The following YES1 variants were observed in gnomAD, a reference collection of about 807,000 sequenced individuals.
YES1 encodes tyrosine-protein kinase Yes.
In YES1, 39 loss-of-function variants were observed where a neutral mutation model predicts 70.4. The observed-to-expected ratio is 0.55, with a 90% confidence interval of 0.43 to 0.72. YES1 has a LOEUF of 0.72. YES1 is among the 30% of genes least tolerant of loss of function. The pLI, the probability that YES1 is intolerant of heterozygous loss-of-function variation, is 0.00. For synonymous variants in YES1, 198 were observed against 218.6 expected, an observed-to-expected ratio of 0.91 and a Z score of 0.83; for missense variants, 495 against 644.8, an observed-to-expected ratio of 0.77 and a Z score of 2.52.
chr18:770,254 C>A (rs1905091692), intron 1 of YES1, among the ~76,000 whole-genome samples: 1 of 145,682 alleles, frequency 6.9e-6, no homozygotes, highest in East Asian at 2.0e-4. Context: ...AGCCACTGCG[C>A]CCGGCCCTTT....
intron 1 of YES1, among the ~76,000 whole-genome samples, chr18:759,640 A>G (rs965255230): frequency 1.3e-5 from 2 of 152,210 alleles, no homozygotes; most frequent in Admixed American, 1.3e-4. Context: ...TCCCTAAACA[A>G]CATAGTACAA....
chr18:768,657 T>G (rs1458364463), intron 1 of YES1, among the ~76,000 whole-genome samples: 2 of 152,166 alleles, frequency 1.3e-5, no homozygotes, highest in African/African-American at 4.8e-5. Flanking sequence ...ATTATAATAC[T>G]GTATTTTTAC....
At chr18:784,098 T>A (rs900434940) in intron 1 of YES1, among the ~76,000 whole-genome samples, 1 of 152,198 alleles carries the variant, frequency 6.6e-6, no homozygotes, top group Non-Finnish European at 1.5e-5. Flanking sequence ...GTCATACATA[T>A]GGCCAAACTT....
chr18:733,961 AC>A (rs1221267710), intron 10 of YES1, among the ~76,000 whole-genome samples: 1 of 152,172 alleles, frequency 6.6e-6, no homozygotes, highest in Admixed American at 6.5e-5. Flanking sequence ...TTTCCTTGGC[AC>A]CATTACAAAA....
intron 1 of YES1, among the ~76,000 whole-genome samples, chr18:770,313 G>A (rs909417932): frequency 2.2e-5 from 3 of 139,532 alleles, no homozygotes; most frequent in Non-Finnish European, 1.5e-5. Context: ...GTATTATTTC[G>A]TCCTTCAATG....
chr18:802,264 A>C (rs977994446), intron 1 of YES1, among the ~76,000 whole-genome samples: 1 of 152,156 alleles, frequency 6.6e-6, no homozygotes, highest in African/African-American at 2.4e-5. Context: ...AAAAGAAAGA[A>C]AATAAAATAA....
intron 1 of YES1, among the ~76,000 whole-genome samples, chr18:809,628 A>T (rs1907271311): frequency 2.0e-5 from 3 of 152,198 alleles, no homozygotes; most frequent in African/African-American, 4.8e-5. Flanking sequence ...TTATACATAC[A>T]GCTGGTATAT....
intron 6 of YES1, 117 bp downstream of exon 6, chr18:745,591 G>T: frequency 2.1e-6 from 2 of 952,436 alleles, no homozygotes; most frequent in Non-Finnish European, 1.6e-6. Context: ...GACATTTATT[G>T]GGCATGTATT....
intron 1 of YES1, among the ~76,000 whole-genome samples, chr18:767,343 G>A (rs959886156): frequency 2.0e-5 from 3 of 152,064 alleles, no homozygotes; most frequent in African/African-American, 7.2e-5. Flanking sequence ...TAAGGACAGA[G>A]TTTCACTATG....
intron 1 of YES1, among the ~76,000 whole-genome samples, chr18:810,464 G>T (rs1172588090): frequency 6.6e-6 from 1 of 152,110 alleles, no homozygotes; most frequent in Non-Finnish European, 1.5e-5. Flanking sequence ...ACTTTCAGAT[G>T]AACAGAAAGG....
intron 1 of YES1, among the ~76,000 whole-genome samples, chr18:793,317 G>A (rs911013894): frequency 7.9e-5 from 12 of 151,950 alleles, no homozygotes; most frequent in Non-Finnish European, 1.5e-4. Flanking sequence ...GGGATTACAG[G>A]CGTGAGCCAC....
In YES1 at chr18:756,581, T is replaced by C. The variant is rs1002693165; in HGVS notation, c.247A>G (p.Ser83Gly). 1.2e-6 allele frequency: 2 copies of C among 1,614,186 alleles called. No individual in the cohort carries two copies. The highest frequency in any genetic ancestry group is 1.1e-5 in the South Asian group (1 of 91,078). ...GASSSFSVVP[S>G]SYPAGLTGGV... is the part of the protein sequence containing the mutation. ...CCTGTTAAACCAGCAGGATATGAACTTGGCACCACTGAAAATGAGGAAGAT... is the reference window on the plus strand; with the variant it reads ...CCTGTTAAACCAGCAGGATATGAACCTGGCACCACTGAAAATGAGGAAGAT... The change falls in exon 2 of 12, where the codon AGT becomes GGT. Residue 83 changes from serine (S) to glycine (G), a missense_variant. By Grantham distance (56) the Ser-to-Gly change is moderately conservative. Coordinates refer to ENST00000314574, the MANE Select transcript of YES1 (RefSeq NM_005433.4).
chr18:729,746 C>A (rs1342939096), intron 11 of YES1, among the ~76,000 whole-genome samples: 1 of 151,272 alleles, frequency 6.6e-6, no homozygotes, highest in African/African-American at 2.4e-5. Context: ...CCTGCCTCAG[C>A]CTCCCGAGTA....
In YES1 at chr18:749,568, C is replaced by T. The variant is rs111830997; in HGVS notation, c.372-1550G>A. ...TAATGCATACTTATAAAAATGTTAT[C>T]TAGAAGGCTGGGCGCGGTGGCTCAC... On this transcript the variant is annotated intron_variant, in intron 3 of 11. Coordinates refer to ENST00000314574, the MANE Select transcript of YES1 (RefSeq NM_005433.4). Among the ~76,000 whole-genome samples, 888 of 148,338 alleles carry T rather than the reference C, an allele frequency of 6.0e-3. 1 individual carries two copies. Among genetic ancestry groups the T allele is most frequent in the Non-Finnish European group, 9.3e-3 (626 of 66,962 alleles).
intron 1 of YES1, among the ~76,000 whole-genome samples, chr18:785,592 G>A (rs967548468): frequency 6.6e-6 from 1 of 152,104 alleles, no homozygotes; most frequent in Non-Finnish European, 1.5e-5. Flanking sequence ...TGCACCCAAA[G>A]TTCACGTGTT....
At chr18:780,159 G>C (rs1462479288) in intron 1 of YES1, among the ~76,000 whole-genome samples, 1 of 151,978 alleles carries the variant, frequency 6.6e-6, no homozygotes, top group African/African-American at 2.4e-5. Flanking sequence ...AGGGAGGTGG[G>C]GGTCACAGTT....
chr18:747,382 T>C (rs1002187369), intron 4 of YES1, among the ~76,000 whole-genome samples: 4 of 152,118 alleles, frequency 2.6e-5, no homozygotes, highest in East Asian at 3.8e-4. Flanking sequence ...GGCAGGAGAA[T>C]TGCTTGAGCC....
rs368845120 is a variant in YES1 at position 743,273 on chromosome 18, G to A, written c.867C>T (p.Gly289=). The change falls in exon 7 of 12, where the codon GGC becomes GGT. Residue 289 remains glycine (G), a synonymous_variant. Transcript: ENST00000314574. ...CAGGCTTCTTACCCATCCACACTTC[G>A]CCGAAACATCCTTGTCCTAGTTTAA... ...LEVKLGQGCF[G]EVWMGTWNGT... 8.4e-5 allele frequency: 135 copies of A among 1,611,264 alleles called. No homozygotes were observed. The highest frequency in any genetic ancestry group is 2.3e-4 in the African/African-American group (17 of 74,938).
At chr18:812,333 C>G (rs1207712400), upstream of YES1, 1 of 151,476 alleles carries the variant, frequency 6.6e-6, no homozygotes, top group Non-Finnish European at 1.5e-5. Flanking sequence ...CTCCGCCCCC[C>G]CCCCCCGGCC....
Sources: gnomAD v4.1 joint callset for allele counts (sites outside exome capture counted in the v4.1 genomes callset) on GRCh38, gnomAD v4.1.1 for gene constraint, MANE v1.5 for transcripts, NCBI Gene and HGNC (gene_info 2026-07-23, HGNC 2026-07-21) for gene names.